The following RB1CC1 variants were observed in gnomAD, a reference collection of about 807,000 sequenced individuals.
RB1CC1 encodes the protein RB1 inducible coiled-coil 1, also known as RB1-inducible coiled-coil protein 1.
In RB1CC1, 46 loss-of-function variants were observed where a neutral mutation model predicts 177.5. The ratio of observed to expected loss-of-function variants is 0.26; its 90% CI spans 0.20 to 0.33. The LOEUF is 0.33. Ranked by LOEUF, RB1CC1 falls within the 10% of genes least tolerant of loss-of-function variation. The pLI, the probability that RB1CC1 is intolerant of heterozygous loss-of-function variation, is 1.00. For synonymous variants in RB1CC1, 666 were observed against 613.6 expected, an observed-to-expected ratio of 1.09 and a Z score of -1.26; for missense variants, 1,703 against 1,816.3, an observed-to-expected ratio of 0.94 and a Z score of 1.13.
chr8:52,691,474 A>G (rs956156092), intron 1 of RB1CC1, among the ~76,000 whole-genome samples: 1 of 152,202 alleles, frequency 6.6e-6, no homozygotes, highest in Admixed American at 6.5e-5. Flanking sequence ...AATTTAAACT[A>G]TTTTAAGGAT....
At chr8:52,701,673 G>A (rs1018461380) in intron 1 of RB1CC1, among the ~76,000 whole-genome samples, 1 of 151,780 alleles carries the variant, frequency 6.6e-6, no homozygotes. Flanking sequence ...GATTACAGGT[G>A]TGACTCACCA....
rs1854324801 is a variant in RB1CC1, at chr8:52,686,971, G to A, written c.-166-4C>T. Reference sequence around the variant, plus strand: ...ATTACTGGTTAAACTCAGAAAACTGGAAAAGAAAAATTTCTGGTTATAAAG... The same window carrying A: ...ATTACTGGTTAAACTCAGAAAACTGAAAAAGAAAAATTTCTGGTTATAAAG... On this transcript the variant is annotated splice_region_variant and splice_polypyrimidine_tract_variant and intron_variant, in intron 1 of 23. Coordinates refer to ENST00000025008, the MANE Select transcript of RB1CC1 (RefSeq NM_014781.5). The A allele has an allele frequency of 2.2e-6, 1 of 456,064 alleles. No individual in the cohort carries two copies. Among genetic ancestry groups the A allele is most frequent in the Non-Finnish European group, 4.4e-6 (1 of 226,816 alleles). The allele number at this position is 456,064 out of a possible 1,614,324, so 28.3% of individuals were successfully genotyped here. A position where few individuals can be genotyped will look rare whatever the true frequency, so the allele number is the denominator to read the frequency against.
chr8:52,649,142 G>A (rs1850330054), intron 15 of RB1CC1, among the ~76,000 whole-genome samples: 2 of 152,160 alleles, frequency 1.3e-5, no homozygotes, highest in Non-Finnish European at 2.9e-5. Flanking sequence ...AGACAAGAGG[G>A]AATGACTGTA....
At chr8:52,711,775 T>A (rs1591170064) in intron 1 of RB1CC1, among the ~76,000 whole-genome samples, 1 of 152,238 alleles carries the variant, frequency 6.6e-6, no homozygotes, top group South Asian at 2.1e-4. Flanking sequence ...CAATCTACCA[T>A]TACTATCGCC....
At chr8:52,702,247 G>T (rs1036367437) in intron 1 of RB1CC1, among the ~76,000 whole-genome samples, 5 of 152,138 alleles carry the variant, frequency 3.3e-5, no homozygotes, top group African/African-American at 1.2e-4. Context: ...TGGGTACCAG[G>T]ATGAATAAAA....
Position 52,698,669 on chromosome 8 carries a change from G to GT in RB1CC1, c.-166-11703_-166-11702insA, listed in dbSNP as rs1855693493. On this transcript the variant is annotated intron_variant, in intron 1 of 23. Coordinates refer to ENST00000025008, the MANE Select transcript of RB1CC1 (RefSeq NM_014781.5). ...AACAAAAACTGTATATGTAATGGTT[G>GT]GTTTTTTTTTTTTTTTTTTTTTTTT... Among the ~76,000 whole-genome samples, 2 of 22,782 alleles carry GT rather than the reference G, an allele frequency of 8.8e-5. 1 individual carries two copies. Among genetic ancestry groups the GT allele is most frequent in the Non-Finnish European group, 1.9e-4 (2 of 10,600 alleles). 14.9% of individuals were successfully genotyped at this position (22,782 alleles called of 152,430 possible).
intron 1 of RB1CC1, among the ~76,000 whole-genome samples, chr8:52,713,070 T>A (rs75924613): frequency 0.023 from 3,495 of 152,332 alleles, 158 homozygotes; most frequent in African/African-American, 0.079. Flanking sequence ...TCCAAACTTA[T>A]GTATAAATCA....
intron 16 of RB1CC1, among the ~76,000 whole-genome samples, chr8:52,645,280 G>C (rs1849918876): frequency 6.6e-6 from 1 of 152,138 alleles, no homozygotes; most frequent in Non-Finnish European, 1.5e-5. Flanking sequence ...ACAAAGTTTA[G>C]AGAATTTGAA....
In RB1CC1 at chr8:52,710,705, A is replaced by G. The variant is rs138823636; in HGVS notation, c.-167+3370T>C. ...ATAACGGAAACTAACAGTAAAACCA[A>G]AATTATCTATATAGCAAATATAGAA... is the stretch of plus-strand genomic sequence containing the variant. On this transcript the variant is annotated intron_variant, in intron 1 of 23. Coordinates refer to ENST00000025008, the MANE Select transcript of RB1CC1 (RefSeq NM_014781.5). 6.7e-3 allele frequency among the ~76,000 whole-genome samples: 1,028 copies of G among 152,304 alleles called. 3 individuals carry two copies. Among genetic ancestry groups the G allele is most frequent in the Non-Finnish European group, 0.012 (802 of 68,020 alleles).
At chr8:52,698,592 G>A (rs746398649) in intron 1 of RB1CC1, among the ~76,000 whole-genome samples, 138 of 145,450 alleles carry the variant, frequency 9.5e-4, no homozygotes, top group Non-Finnish European at 1.7e-3. Context: ...GATTACAGGT[G>A]TGAGCCACTG....
chr8:52,633,507 C>T (rs1376181198), intron 20 of RB1CC1, among the ~76,000 whole-genome samples: 3 of 152,156 alleles, frequency 2.0e-5, no homozygotes, highest in Non-Finnish European at 4.4e-5. Flanking sequence ...AGTATAATCA[C>T]TACAAAATAT....
chr8:52,671,295 T>A (rs914945773), intron 7 of RB1CC1, among the ~76,000 whole-genome samples: 3 of 152,206 alleles, frequency 2.0e-5, no homozygotes, highest in African/African-American at 7.2e-5. Context: ...CAAAATACTG[T>A]TACAATTGGA....
chr8:52,701,934 A>C (rs1856106544), intron 1 of RB1CC1, among the ~76,000 whole-genome samples: 1 of 152,006 alleles, frequency 6.6e-6, no homozygotes, highest in Admixed American at 6.6e-5. Flanking sequence ...CAGCCTCCCA[A>C]GTAGCTGGGA....
intron 5 of RB1CC1, among the ~76,000 whole-genome samples, chr8:52,679,065 C>G (rs28669711): frequency 6.4e-4 from 98 of 152,180 alleles, no homozygotes; most frequent in African/African-American, 2.3e-3. Flanking sequence ...AATATGAAAA[C>G]TGATCAACTT....
chr8:52,704,652 A>G (rs1444835042), intron 1 of RB1CC1, among the ~76,000 whole-genome samples: 2 of 152,148 alleles, frequency 1.3e-5, no homozygotes, highest in African/African-American at 2.4e-5. Context: ...CTTATTATGT[A>G]CATGTACCCC....
chr8:52,669,078 T>C (rs1852326613), intron 7 of RB1CC1, among the ~76,000 whole-genome samples: 1 of 152,240 alleles, frequency 6.6e-6, no homozygotes, highest in South Asian at 2.1e-4. Context: ...CTGATCAGTC[T>C]CACAGATTCT....
chr8:52,637,931 A>T (rs1397222648), intron 18 of RB1CC1, among the ~76,000 whole-genome samples: 2 of 152,132 alleles, frequency 1.3e-5, no homozygotes, highest in East Asian at 3.9e-4. Flanking sequence ...TTGGCCTCCC[A>T]AAGTGCTGGG....
intron 1 of RB1CC1, among the ~76,000 whole-genome samples, chr8:52,704,103 A>G (rs1045666429): frequency 6.6e-6 from 1 of 152,138 alleles, no homozygotes; most frequent in Non-Finnish European, 1.5e-5. Context: ...TGAAATAAAA[A>G]ATACTTGGAA....
intron 3 of RB1CC1, 148 bp from the exon 4 acceptor site, chr8:52,684,161 T>A: frequency 1.0e-6 from 1 of 952,616 alleles, no homozygotes. Context: ...ATAAGCTTCC[T>A]ATTTAATGAA....
Sources: allele counts gnomAD v4.1 joint callset (sites outside exome capture counted in the v4.1 genomes callset), GRCh38; gene constraint gnomAD v4.1.1; transcripts MANE v1.5; gene names NCBI Gene and HGNC (gene_info 2026-07-23, HGNC 2026-07-21).